SEC14L5: variants seen among roughly 807,000 people sequenced by gnomAD.
SEC14L5 encodes SEC14 like lipid binding 5.
A neutral mutation model predicts 84.6 loss-of-function variants in SEC14L5; 96 were observed. The observed-to-expected ratio is 1.13, with a 90% CI of 0.96 to 1.34. The LOEUF (loss-of-function observed/expected upper bound fraction) is 1.34, where lower values mean the gene tolerates loss of function less well. Ranked by LOEUF, SEC14L5 falls within the 40% of genes most tolerant of loss-of-function variation. SEC14L5 has a pLI of 0.00. For synonymous variants in SEC14L5, 546 were observed against 383.4 expected (o/e 1.42, Z -4.95); for missense variants, 1,224 against 942.5 (o/e 1.30, Z -3.91).
chr16:4,988,822 A>G (rs927830999), intron 4 of SEC14L5, among the ~76,000 whole-genome samples: 1 of 152,096 alleles, frequency 6.6e-6, no homozygotes, highest in East Asian at 1.9e-4. Flanking sequence ...TGTGCCAGGC[A>G]CCCTGCCAAG....
rs1955750725 is a variant in SEC14L5, at chr16:5,007,865, C to CA, written c.1572+382dup. ...AGGTGATCCGCCCGCCTAGGCCTCCCAAAGTTCTGGGATTATAGGCGGGAG... is the reference window on the plus strand; with the variant it reads ...AGGTGATCCGCCCGCCTAGGCCTCCCAAAAGTTCTGGGATTATAGGCGGGAG... On this transcript the variant is annotated intron_variant, in intron 13 of 15. Coordinates refer to ENST00000251170, the MANE Select transcript of SEC14L5 (RefSeq NM_014692.2). Among the ~76,000 whole-genome samples, 6 of 150,344 alleles carry CA rather than the reference C, an allele frequency of 4.0e-5. No homozygotes were observed. The South Asian group carries it at 1.0e-3, about 26-fold the overall frequency.
In SEC14L5 at chr16:5,011,010, G is replaced by A. The variant is rs548706995; in HGVS notation, c.1801-85G>A. The A allele has an allele frequency of 4.5e-6, 6 of 1,333,888 alleles. No individual in the cohort carries two copies. In the African/African-American group the frequency reaches 5.9e-5, roughly 13 times the overall value. The allele number at this position is 1,333,888 out of a possible 1,614,324, so 82.6% of individuals were successfully genotyped here. On this transcript the variant is annotated intron_variant, in intron 14 of 15. Transcript: ENST00000251170. ...AGAAGAGCCCCAATTTCCAGGCCTG[G>A]TGATGAGAAGCCCATGAAGGCTCAG... is the stretch of plus-strand genomic sequence containing the variant.
At position 4,975,855 on chromosome 16, in the gene SEC14L5, G is replaced by A. The variant is rs555042156; in HGVS notation, c.64-11702G>A. Among the ~76,000 whole-genome samples, 27 of 152,268 alleles carry A rather than the reference G, an allele frequency of 1.8e-4. No homozygotes were observed. In the East Asian group the frequency reaches 5.0e-3, roughly 28 times the overall value. On this transcript the variant is annotated intron_variant, in intron 2 of 15. Coordinates refer to ENST00000251170, the MANE Select transcript of SEC14L5 (RefSeq NM_014692.2). ...TACTCAGTGGCTGCGTAGTGGCCAG[G>A]CCCCCAAATCAGGCCTGCAGAATAG...
At chr16:4,996,260 G>A (rs1301753994) in intron 6 of SEC14L5, 88 bp from the exon 7 acceptor site, 2 of 789,824 alleles carry the variant, frequency 2.5e-6, no homozygotes, top group African/African-American at 3.4e-5. Flanking sequence ...GAGTCAGTGA[G>A]GCAGCCAGTA....
intron 2 of SEC14L5, among the ~76,000 whole-genome samples, chr16:4,959,905 C>T (rs1876351): frequency 0.44 from 66,893 of 151,856 alleles, 15,698 homozygotes; most frequent in East Asian, 0.73. Flanking sequence ...GGCTGAGATC[C>T]CCACAAAGGA....
intron 2 of SEC14L5, among the ~76,000 whole-genome samples, chr16:4,981,083 A>AG (rs59119621): frequency 1 from 151,948 of 152,000 alleles, 75,948 homozygotes; most frequent in Middle Eastern, 1. Context: ...TAAAGAGTGC[A>AG]GGTTTATTCT....
chr16:5,003,617 G>GCCCC, intron 11 of SEC14L5, 44 bp downstream of exon 11: 5 of 592,400 alleles, frequency 8.4e-6, no homozygotes, highest in East Asian at 9.0e-5. Flanking sequence ...GGGGGTGGGT[G>GCCCC]GGATGGGAGG....
chr16:4,990,815 C>G lies in SEC14L5; in HGVS notation c.394C>G (p.Leu132Val), dbSNP rs1955544946. 2 of 1,612,088 alleles carry G rather than the reference C, an allele frequency of 1.2e-6. No homozygotes were observed. Among genetic ancestry groups the G allele is most frequent in the South Asian group, 2.2e-5 (2 of 90,848 alleles). Residue 132 changes from leucine to valine, a missense_variant, in exon 5 of 16, where the codon CTG (leucine) becomes GTG (valine). Leu to Val is a conservative substitution (Grantham distance 32, BLOSUM62 1). Transcript: ENST00000251170. ...DWTCFEQSASLDIRSFFGFEN... is the reference protein window; with the variant it reads ...DWTCFEQSASVDIRSFFGFEN... ...GACTTGCTTCGAGCAGTCTGCCTCA[C>G]TGGACATTCGGTCTTTCTTTGGCTT... is the stretch of plus-strand genomic sequence containing the variant.
chr16:5,008,131 G>C (rs927815967), intron 13 of SEC14L5, among the ~76,000 whole-genome samples: 1 of 151,818 alleles, frequency 6.6e-6, no homozygotes, highest in Non-Finnish European at 1.5e-5. Flanking sequence ...GGCCAGACTG[G>C]TCTCGAACTC....
At chr16:4,961,095 C>T (rs768019534) in intron 2 of SEC14L5, among the ~76,000 whole-genome samples, 1 of 152,098 alleles carries the variant, frequency 6.6e-6, no homozygotes, top group Non-Finnish European at 1.5e-5. Flanking sequence ...CACGGTGAAA[C>T]CCCAACTCAA....
At chr16:5,005,566 A>G (rs1955721130) in intron 11 of SEC14L5, among the ~76,000 whole-genome samples, 1 of 152,000 alleles carries the variant, frequency 6.6e-6, no homozygotes, top group East Asian at 1.9e-4. Context: ...ATCTCAATAA[A>G]AAAATACATC....
chr16:4,987,526 C>CCACGGCCGCT (rs1955503491), intron 2 of SEC14L5, 31 bp from the exon 3 acceptor site: 1 of 1,511,900 alleles, frequency 6.6e-7, no homozygotes, highest in African/African-American at 1.4e-5. Flanking sequence ...GCCCCCCCCA[C>CCACGGCCGCT]CACGGCCGCT....
In SEC14L5 at chr16:5,007,502, CG is replaced by C. The variant is rs1955745156; in HGVS notation, c.1572+20del. 2 of 1,610,910 alleles carry C rather than the reference CG, an allele frequency of 1.2e-6. No individual in the cohort carries two copies. The highest frequency in any genetic ancestry group is 1.1e-5 in the South Asian group (1 of 90,628). On this transcript the variant is annotated intron_variant, in intron 13 of 15. Transcript: ENST00000251170. Reference sequence around the variant, plus strand: ...CCCCCACGAGGTGCCAGGGCCTGGCCGGGGAGGGCCCGCTGAGCTGGAGTGT... The same window carrying C: ...CCCCCACGAGGTGCCAGGGCCTGGCCGGGAGGGCCCGCTGAGCTGGAGTGT...
In SEC14L5 at chr16:5,015,051, C is replaced by G. The variant is rs1041548782; in HGVS notation, c.*81C>G. On this transcript the variant is annotated 3_prime_UTR_variant, in exon 16 of 16. Coordinates refer to ENST00000251170, the MANE Select transcript of SEC14L5 (RefSeq NM_014692.2). The stretch of plus-strand genomic sequence containing the variant: ...AATGAGAAGCCAGCTAACTGCAGGG[C>G]CTGGGACCATGTGGGCTGGAGCCCC... 4 of 1,133,798 alleles carry G rather than the reference C, an allele frequency of 3.5e-6. No homozygotes were observed. In the African/African-American group the frequency reaches 4.6e-5, roughly 13 times the overall value. 70.2% of individuals were successfully genotyped at this position (1,133,798 alleles called of 1,614,324 possible). A position where few individuals can be genotyped will look rare whatever the true frequency, so the allele number is the denominator to read the frequency against.
At chr16:4,976,046 T>G (rs990919692) in intron 2 of SEC14L5, among the ~76,000 whole-genome samples, 1 of 152,162 alleles carries the variant, frequency 6.6e-6, no homozygotes, top group African/African-American at 2.4e-5. Context: ...ATCTGTCAAG[T>G]GATTAGCAGA....
chr16:4,986,142 CTTTT>C (rs760379850), intron 2 of SEC14L5, among the ~76,000 whole-genome samples: 1 of 143,370 alleles, frequency 7.0e-6, no homozygotes, highest in Non-Finnish European at 1.5e-5. Context: ...TCTTCTTCTT[CTTTT>C]TTTTTTTTTT....
At chr16:4,971,658 G>A (rs7202838) in intron 2 of SEC14L5, among the ~76,000 whole-genome samples, 59,799 of 152,016 alleles carry the variant, frequency 0.39, 12,367 homozygotes, top group Non-Finnish European at 0.46. Flanking sequence ...GCTTTGGGCT[G>A]CGCACCTGCT....
chr16:4,984,908 A>G (rs1364970977), intron 2 of SEC14L5, among the ~76,000 whole-genome samples: 1 of 152,142 alleles, frequency 6.6e-6, no homozygotes, highest in East Asian at 1.9e-4. Flanking sequence ...TTGAATTCTA[A>G]CACTCGTTTA....
chr16:4,984,534 C>T (rs1348898992), intron 2 of SEC14L5, among the ~76,000 whole-genome samples: 3 of 152,062 alleles, frequency 2.0e-5, no homozygotes, highest in African/African-American at 7.3e-5. Flanking sequence ...GTTTTCATTT[C>T]TCTTGGGTAC....
Sources: allele counts gnomAD v4.1 joint callset (sites outside exome capture counted in the v4.1 genomes callset), GRCh38; gene constraint gnomAD v4.1.1; transcripts MANE v1.5; gene names NCBI Gene and HGNC (gene_info 2026-07-23, HGNC 2026-07-21).